The following PIK3C2B variants were observed in gnomAD, a reference collection of about 807,000 sequenced individuals.
The protein encoded by PIK3C2B is phosphatidylinositol 4-phosphate 3-kinase C2 domain-containing subunit beta.
A neutral mutation model predicts 184.3 loss-of-function variants in PIK3C2B; 83 were observed. That is an observed-to-expected ratio of 0.45 (90% CI 0.38 to 0.54). PIK3C2B has a LOEUF of 0.54. Among genes scored for constraint, PIK3C2B ranks in the 20% least tolerant of loss-of-function variants. PIK3C2B has a pLI of 0.00. For synonymous variants in PIK3C2B, 779 were observed against 837.6 expected, an observed-to-expected ratio of 0.93 and a Z score of 1.21; for missense variants, 1,736 against 2,113.5, an observed-to-expected ratio of 0.82 and a Z score of 3.50.
intron 7 of PIK3C2B, 87 bp downstream of exon 7, chr1:204,460,237 C>A: frequency 2.7e-6 from 3 of 1,096,826 alleles, no homozygotes; most frequent in South Asian, 2.6e-5. Flanking sequence ...AATCCCTTAG[C>A]CCTGACAGAA....
intron 13 of PIK3C2B, among the ~76,000 whole-genome samples, 173 bp from the exon 14 acceptor site, chr1:204,449,469 C>T (rs541799083): frequency 1.2e-4 from 18 of 152,318 alleles, no homozygotes; most frequent in African/African-American, 3.4e-4. Flanking sequence ...TAAAAGCTTA[C>T]GCCCTCCAAG....
chr1:204,480,546 G>C (rs1657038616), intron 1 of PIK3C2B, among the ~76,000 whole-genome samples: 1 of 152,136 alleles, frequency 6.6e-6, no homozygotes, highest in Admixed American at 6.5e-5. Context: ...CAGAGCCCCA[G>C]TACCCAGAAG....
At chr1:204,426,190 T>A (rs1674730684) in intron 31 of PIK3C2B, among the ~76,000 whole-genome samples, 1 of 152,244 alleles carries the variant, frequency 6.6e-6, no homozygotes, top group African/African-American at 2.4e-5. Context: ...TTTTAAAACC[T>A]AAGTCAGATC....
Position 204,447,943 on chromosome 1 carries a change from G to C in PIK3C2B, c.2347-365C>G, listed in dbSNP as rs1322566031. On this transcript the variant is annotated intron_variant, in intron 14 of 32. Transcript: ENST00000684373. The surrounding 1 kb of genome is among the most constrained non-coding windows in gnomAD (Gnocchi z 4.1). Reference sequence around the variant, plus strand: ...GGGGTGACTTCCATGGGGTGCCAGAGGACACTGCTGCCAGAGGGGAGGCAA... The same window carrying C: ...GGGGTGACTTCCATGGGGTGCCAGACGACACTGCTGCCAGAGGGGAGGCAA... 1.3e-5 allele frequency among the ~76,000 whole-genome samples: 2 copies of C among 152,086 alleles called. No individual in the cohort carries two copies. The highest frequency in any genetic ancestry group is 3.9e-4 in the East Asian group (2 of 5,172).
intron 32 of PIK3C2B, 143 bp downstream of exon 32, chr1:204,425,470 A>G (rs1243746069): frequency 5.9e-6 from 5 of 840,394 alleles, no homozygotes; most frequent in Middle Eastern, 3.1e-4. Context: ...GCAACATGAA[A>G]GCAGCTACAG....
chr1:204,486,170 C>T (rs1225495289), intron 1 of PIK3C2B, among the ~76,000 whole-genome samples: 5 of 151,142 alleles, frequency 3.3e-5, no homozygotes, highest in African/African-American at 9.7e-5. Flanking sequence ...TCGAGGCGGG[C>T]GGATCACCAG....
chr1:204,449,914 T>C lies in PIK3C2B; in HGVS notation c.2170A>G (p.Asn724Asp), dbSNP rs757744720. The stretch of plus-strand genomic sequence containing the variant: ...GCTTCAGGCACCCGCCGCTGCTTAT[T>C]GGCCTCTGAGGAGCTCCCCGGTGGG... ...IPPPGSSSEA[N>D]KQRRVPEALG... The change falls in exon 13 of 33, where the codon AAT becomes GAT. Residue 724 changes from asparagine (N) to aspartate (D), a missense_variant. Physicochemically the swap from Asn to Asp is conservative, Grantham distance 23. Transcript: ENST00000684373. 1.2e-6 allele frequency: 2 copies of C among 1,613,990 alleles called. No individual in the cohort carries two copies. Among genetic ancestry groups the C allele is most frequent in the Non-Finnish European group, 1.7e-6 (2 of 1,179,970 alleles).
intron 23 of PIK3C2B, among the ~76,000 whole-genome samples, chr1:204,437,862 A>C (rs183462840): frequency 4.3e-4 from 66 of 152,310 alleles, no homozygotes; most frequent in Non-Finnish European, 7.8e-4. Context: ...CGTAGGTGGA[A>C]AAGTCCAGCA....
chr1:204,436,522 C>CA lies in PIK3C2B; in HGVS notation c.3517-1915dup, dbSNP rs1019896319. ...TGGGTGACAGAGTGAGACCCTGCCT[C>CA]AAAAAAAAAGAAACTACCAGCATTA... is the stretch of plus-strand genomic sequence containing the variant. On this transcript the variant is annotated intron_variant, in intron 23 of 32. Coordinates refer to ENST00000684373, the MANE Select transcript of PIK3C2B (RefSeq NM_001377334.1). 1.3e-3 allele frequency among the ~76,000 whole-genome samples: 187 copies of CA among 148,984 alleles called. 1 individual carries two copies. Among genetic ancestry groups the CA allele is most frequent in the African/African-American group, 4.3e-3 (174 of 40,560 alleles).
At chr1:204,452,685 C>A (rs573730342) in intron 12 of PIK3C2B, among the ~76,000 whole-genome samples, 43 of 124,090 alleles carry the variant, frequency 3.5e-4, no homozygotes, top group African/African-American at 1.2e-3. Context: ...GATAGGGTCT[C>A]ACTCTGTTGC....
intron 12 of PIK3C2B, among the ~76,000 whole-genome samples, chr1:204,451,510 C>T (rs927133786): frequency 7.2e-5 from 11 of 152,186 alleles, no homozygotes; most frequent in Admixed American, 4.6e-4. Context: ...AGCCCCTCTC[C>T]TTCCTGCAGC....
Position 204,446,102 on chromosome 1 carries a change from A to G in PIK3C2B, c.2532T>C (p.Tyr844=). ...GCGAGCTCACCTCCGAGTGGCAGTA[A>G]TATCGCTTCTCCCACAGGCGCTTCT... ...ADKKRLWEKR[Y]YCHSEVSSLP... is the part of the protein sequence containing the mutation. Residue 844 remains tyrosine (Y), a synonymous_variant, in exon 16 of 33, where the codon TAT becomes TAC. Transcript: ENST00000684373. The G allele has an allele frequency of 3.1e-6, 5 of 1,593,286 alleles. No homozygotes were observed. The highest frequency in any genetic ancestry group is 4.3e-6 in the Non-Finnish European group (5 of 1,167,622).
At chr1:204,463,504 GGGA>G (rs1340969119) in intron 5 of PIK3C2B, among the ~76,000 whole-genome samples, 8 of 152,152 alleles carry the variant, frequency 5.3e-5, no homozygotes, top group South Asian at 2.1e-4. Flanking sequence ...GCACGCCTTT[GGGA>G]GGAGGATAAC....
intron 31 of PIK3C2B, among the ~76,000 whole-genome samples, chr1:204,425,945 C>T (rs192949080): frequency 2.8e-3 from 420 of 152,284 alleles, no homozygotes; most frequent in Admixed American, 0.01. Flanking sequence ...ATTAAAACAT[C>T]AATTGGTTTG....
chr1:204,428,796 A>T (rs1674882853), intron 29 of PIK3C2B: 4 of 368,224 alleles, frequency 1.1e-5, no homozygotes, highest in Admixed American at 3.4e-5. Context: ...TATTTATTTT[A>T]AAATACTTCA....
In PIK3C2B at chr1:204,461,339, C is replaced by A. The variant is rs1021423432; in HGVS notation, c.1311-678G>T. 2.6e-5 allele frequency among the ~76,000 whole-genome samples: 4 copies of A among 152,230 alleles called. No homozygotes were observed. The South Asian group carries it at 8.3e-4, about 31-fold the overall frequency. The stretch of plus-strand genomic sequence containing the variant: ...GAGACTCCCCCTTTCAGAGAGAAGG[C>A]CTAGGAGCCCTCGGCGATCCAACCT... On this transcript the variant is annotated intron_variant, in intron 5 of 32. Transcript: ENST00000684373.
intron 23 of PIK3C2B, chr1:204,435,927 G>A (rs1026383149): frequency 1.3e-5 from 2 of 152,176 alleles, no homozygotes; most frequent in African/African-American, 2.4e-5. Flanking sequence ...AGCATAACGC[G>A]TAACTCCCAG....
intron 2 of PIK3C2B, among the ~76,000 whole-genome samples, chr1:204,467,833 C>CAAAAAAAA (rs545904416): frequency 0.21 from 18,964 of 88,358 alleles, 4,425 homozygotes; most frequent in Non-Finnish European, 0.23. Flanking sequence ...GACTCTGTCT[C>CAAAAAAAA]AAAAAAAAAA....
rs1277337636 is a variant in PIK3C2B, at chr1:204,449,682, A to G, written c.2234+168T>C. ...CGCTCAGTGGCTCTTGGTTACATCA[A>G]TAGTCCTGGTCACCAGTTCTGTGCT... On this transcript the variant is annotated intron_variant, in intron 13 of 32. Coordinates refer to ENST00000684373, the MANE Select transcript of PIK3C2B (RefSeq NM_001377334.1). 2.0e-5 allele frequency among the ~76,000 whole-genome samples: 3 copies of G among 152,298 alleles called. No individual in the cohort carries two copies. The South Asian group carries it at 6.2e-4, about 32-fold the overall frequency.
Sources: gnomAD v4.1 joint callset for allele counts (sites outside exome capture counted in the v4.1 genomes callset) on GRCh38, gnomAD v4.1.1 for gene constraint, Gnocchi (gnomAD v3.1) non-coding constraint, MANE v1.5 for transcripts, NCBI Gene and HGNC (gene_info 2026-07-23, HGNC 2026-07-21) for gene names.